ADAMTS19: variants seen among roughly 807,000 people sequenced by gnomAD.
ADAMTS19 encodes A disintegrin and metalloproteinase with thrombospondin motifs 19.
Under a neutral mutation model 153.3 loss-of-function variants are expected in ADAMTS19, and 93 were observed. That is an observed-to-expected ratio of 0.61 (90% confidence interval 0.51 to 0.72). The LOEUF is 0.72. ADAMTS19 is among the 30% of genes least tolerant of loss of function. ADAMTS19 has a pLI of 0.00. For missense variants in ADAMTS19, 1,482 were observed against 1,552.1 expected, an observed-to-expected ratio of 0.95 and a Z score of 0.76; for synonymous variants, 600 against 556.6, an observed-to-expected ratio of 1.08 and a Z score of -1.10.
chr5:129,730,408 AAAGTT>A (rs1268754914), intron 21 of ADAMTS19, among the ~76,000 whole-genome samples: 1 of 152,324 alleles, frequency 6.6e-6, no homozygotes, highest in East Asian at 1.9e-4. Context: ...TAAAACTTAG[AAAGTT>A]ATGTTATCTG....
intron 17 of ADAMTS19, among the ~76,000 whole-genome samples, chr5:129,680,830 T>C (rs1038593988): frequency 1.3e-5 from 2 of 151,032 alleles, no homozygotes; most frequent in Admixed American, 1.3e-4. Context: ...AAAATCAGGA[T>C]GATGGAATTC....
At chr5:129,523,198 A>C (rs1751887714) in intron 3 of ADAMTS19, among the ~76,000 whole-genome samples, 2 of 152,190 alleles carry the variant, frequency 1.3e-5, no homozygotes, top group Admixed American at 1.3e-4. Context: ...GGCAAGCTAA[A>C]ACCCAGGTAC....
Position 129,626,611 on chromosome 5 carries a change from T to A in ADAMTS19, c.1770+4263T>A, listed in dbSNP as rs139966631. Among the ~76,000 whole-genome samples, 101 of 152,184 alleles carry A rather than the reference T, an allele frequency of 6.6e-4. No individual in the cohort carries two copies. In the East Asian group the frequency reaches 0.012, roughly 18 times the overall value. On this transcript the variant is annotated intron_variant, in intron 10 of 22. Coordinates refer to ENST00000274487, the MANE Select transcript of ADAMTS19 (RefSeq NM_133638.6). Reference sequence around the variant, plus strand: ...TCCCAAATCAGTACAGCATGTAAAGTGTAGTAACCTAATAGACGATAGATA... The same window carrying A: ...TCCCAAATCAGTACAGCATGTAAAGAGTAGTAACCTAATAGACGATAGATA...
chr5:129,640,777 A>G (rs1453976523), intron 10 of ADAMTS19, among the ~76,000 whole-genome samples: 1 of 151,974 alleles, frequency 6.6e-6, no homozygotes, highest in Admixed American at 6.6e-5. Flanking sequence ...CAGTATCTGG[A>G]TAGGTAGTAA....
At chr5:129,552,275 T>C (rs963510784) in intron 7 of ADAMTS19, among the ~76,000 whole-genome samples, 4 of 151,856 alleles carry the variant, frequency 2.6e-5, no homozygotes, top group African/African-American at 4.8e-5. Flanking sequence ...TTTTGAGTTA[T>C]GTATGCTTAA....
chr5:129,710,797 C>A (rs1005776131), intron 21 of ADAMTS19, among the ~76,000 whole-genome samples: 5 of 152,078 alleles, frequency 3.3e-5, no homozygotes, highest in African/African-American at 1.2e-4. Context: ...AAATTTGAAA[C>A]CTTGATACAA....
At position 129,599,054 on chromosome 5, in the gene ADAMTS19, A is replaced by G. The variant is rs182548827; in HGVS notation, c.1478+2390A>G. 1.2e-4 allele frequency among the ~76,000 whole-genome samples: 19 copies of G among 152,048 alleles called. No homozygotes were observed. The East Asian group carries it at 3.5e-3, about 28-fold the overall frequency. ...CCATACAAGCTTTCAGTCTTCAGTC[A>G]ACTGACCAAGAATATGAAGAGTTAA... On this transcript the variant is annotated intron_variant, in intron 8 of 22. Coordinates refer to ENST00000274487, the MANE Select transcript of ADAMTS19 (RefSeq NM_133638.6).
At chr5:129,642,465 C>T (rs2127025677) in intron 11 of ADAMTS19, among the ~76,000 whole-genome samples, 1 of 152,118 alleles carries the variant, frequency 6.6e-6, no homozygotes, top group Non-Finnish European at 1.5e-5. Flanking sequence ...CTTCATAAGG[C>T]TTTAAAAATT....
At chr5:129,480,038 G>C (rs1395568736) in intron 2 of ADAMTS19, among the ~76,000 whole-genome samples, 1 of 152,106 alleles carries the variant, frequency 6.6e-6, no homozygotes, top group African/African-American at 2.4e-5. Flanking sequence ...GAACTTACAT[G>C]ATCTTATTGA....
Position 129,620,761 on chromosome 5 carries a change from A to T in ADAMTS19, c.1619+3A>T, listed in dbSNP as rs768067808. ...GAAGATTTGGAAAGATTTCTCAGGT[A>T]TGGAGGTCACTTATTGTTTTTGCCT... On this transcript the variant is annotated splice_donor_region_variant and intron_variant, in intron 9 of 22. Transcript: ENST00000274487. The T allele has an allele frequency of 6.2e-7, 1 of 1,611,450 alleles. No individual in the cohort carries two copies. Among genetic ancestry groups the T allele is most frequent in the Non-Finnish European group, 8.5e-7 (1 of 1,178,412 alleles).
At chr5:129,610,517 C>A (rs1401799794) in intron 8 of ADAMTS19, among the ~76,000 whole-genome samples, 1 of 152,070 alleles carries the variant, frequency 6.6e-6, no homozygotes, top group Non-Finnish European at 1.5e-5. Context: ...TCAATTCCCA[C>A]CTATGAGTGA....
At chr5:129,669,185 G>C (rs1323273170) in intron 16 of ADAMTS19, among the ~76,000 whole-genome samples, 2 of 151,914 alleles carry the variant, frequency 1.3e-5, no homozygotes, top group Non-Finnish European at 2.9e-5. Context: ...GGGAAATCTA[G>C]ATATCCACAT....
intron 3 of ADAMTS19, among the ~76,000 whole-genome samples, chr5:129,520,470 T>C (rs1340851618): frequency 6.6e-6 from 1 of 152,140 alleles, no homozygotes; most frequent in African/African-American, 2.4e-5. Flanking sequence ...GACAAAAATA[T>C]GGGAAGACAC....
Position 129,578,108 on chromosome 5 carries a change from G to A in ADAMTS19, c.1373-18451G>A, listed in dbSNP as rs566301186. Among the ~76,000 whole-genome samples, 21 of 96,620 alleles carry A rather than the reference G, an allele frequency of 2.2e-4. No individual in the cohort carries two copies. In the South Asian group the frequency reaches 2.3e-3, roughly 10 times the overall value. 63.4% of individuals were successfully genotyped at this position (96,620 alleles called of 152,430 possible). Reference sequence around the variant, plus strand: ...TATACATATACATACATATACATATGCATGTATATGTACGTATACGTACAT... The same window carrying A: ...TATACATATACATACATATACATATACATGTATATGTACGTATACGTACAT... On this transcript the variant is annotated intron_variant, in intron 7 of 22. Transcript: ENST00000274487.
chr5:129,647,059 T>C (rs1422054365), intron 11 of ADAMTS19, among the ~76,000 whole-genome samples: 1 of 152,100 alleles, frequency 6.6e-6, no homozygotes, highest in Non-Finnish European at 1.5e-5. Context: ...ACTACACTTC[T>C]TTCTCTTATT....
chr5:129,560,771 A>G (rs1259779377), intron 7 of ADAMTS19, among the ~76,000 whole-genome samples: 1 of 152,058 alleles, frequency 6.6e-6, no homozygotes, highest in Non-Finnish European at 1.5e-5. Context: ...ATTTAGTCAC[A>G]CAATTCAGTT....
chr5:129,623,197 T>G (rs898263443), intron 10 of ADAMTS19, among the ~76,000 whole-genome samples: 1 of 152,182 alleles, frequency 6.6e-6, no homozygotes, highest in Non-Finnish European at 1.5e-5. Flanking sequence ...TGTTTATGTA[T>G]TAATATTCCA....
chr5:129,525,870 G>A (rs1437560992), intron 3 of ADAMTS19, among the ~76,000 whole-genome samples: 1 of 151,948 alleles, frequency 6.6e-6, no homozygotes, highest in African/African-American at 2.4e-5. Flanking sequence ...GTCACTTCAG[G>A]CACTTCTTTC....
intron 8 of ADAMTS19, among the ~76,000 whole-genome samples, chr5:129,608,139 T>TATATATATATAA (rs1561599440): frequency 2.9e-5 from 4 of 137,120 alleles, no homozygotes; most frequent in Non-Finnish European, 4.7e-5. Context: ...TATATATATA[T>TATATATATATAA]AATGGAACAT....
Sources: gnomAD v4.1 joint callset for allele counts (sites outside exome capture counted in the v4.1 genomes callset) on GRCh38, gnomAD v4.1.1 for gene constraint, MANE v1.5 for transcripts, NCBI Gene and HGNC (gene_info 2026-07-23, HGNC 2026-07-21) for gene names.